EXT1: variants seen among roughly 807,000 people sequenced by gnomAD.
EXT1 encodes the protein exostosin glycosyltransferase 1.
A neutral mutation model predicts 82.5 loss-of-function variants in EXT1; 20 were observed. The observed-to-expected ratio is 0.24, with a 90% CI of 0.17 to 0.35. The LOEUF is 0.35. EXT1 is among the 10% of genes least tolerant of loss of function. EXT1 has a pLI of 1.00. For synonymous variants in EXT1, 348 were observed against 350.8 expected (o/e 0.99, Z 0.09); for missense variants, 757 against 936.5 (o/e 0.81, Z 2.50).
chr8:118,098,285 C>G (rs2130015391), intron 1 of EXT1, among the ~76,000 whole-genome samples: 1 of 152,228 alleles, frequency 6.6e-6, no homozygotes, highest in African/African-American at 2.4e-5. Flanking sequence ...CCAGGACAAC[C>G]ATAGGACAAG....
chr8:118,055,024 T>G (rs532477169), intron 1 of EXT1, among the ~76,000 whole-genome samples: 1 of 152,218 alleles, frequency 6.6e-6, no homozygotes, highest in Non-Finnish European at 1.5e-5. Context: ...AAATTGCACA[T>G]TGGTAAACTG....
At chr8:117,845,819 C>G (rs1812349079) in intron 1 of EXT1, among the ~76,000 whole-genome samples, 1 of 152,124 alleles carries the variant, frequency 6.6e-6, no homozygotes, top group African/African-American at 2.4e-5. Flanking sequence ...GGGCACTGAG[C>G]TGCACAATCT....
intron 1 of EXT1, among the ~76,000 whole-genome samples, chr8:117,904,093 C>T (rs1238533779): frequency 6.6e-6 from 1 of 152,148 alleles, no homozygotes; most frequent in Non-Finnish European, 1.5e-5. Context: ...AAATCAGTTG[C>T]AACAGCTTCA....
intron 1 of EXT1, among the ~76,000 whole-genome samples, chr8:118,073,689 GAA>G (rs879646997): frequency 0.03 from 4,194 of 140,540 alleles, 105 homozygotes; most frequent in Middle Eastern, 0.089. Context: ...GAAGAGAAGA[GAA>G]GAGAAGAGAA....
intron 8 of EXT1, among the ~76,000 whole-genome samples, chr8:117,812,470 T>C (rs1008490687): frequency 1.3e-5 from 2 of 152,102 alleles, no homozygotes; most frequent in African/African-American, 2.4e-5. Context: ...ACTGAGGCAA[T>C]AGGATACGTG....
chr8:118,035,522 G>T (rs1362058917), intron 1 of EXT1, among the ~76,000 whole-genome samples: 1 of 151,712 alleles, frequency 6.6e-6, no homozygotes, highest in Admixed American at 6.6e-5. Context: ...AAAAAAAAAG[G>T]TATTTCAAAA....
At chr8:117,833,904 T>C (rs1242770814) in intron 3 of EXT1, among the ~76,000 whole-genome samples, 1 of 152,240 alleles carries the variant, frequency 6.6e-6, no homozygotes, top group Non-Finnish European at 1.5e-5. Context: ...TAGCATACAC[T>C]ATCTCTGCAT....
chr8:117,985,155 A>G (rs945152825), intron 1 of EXT1, among the ~76,000 whole-genome samples: 1 of 152,184 alleles, frequency 6.6e-6, no homozygotes, highest in African/African-American at 2.4e-5. Context: ...AGGAAGTAAT[A>G]AAAAGAGCCC....
intron 1 of EXT1, among the ~76,000 whole-genome samples, chr8:118,029,628 A>G (rs902424931): frequency 6.6e-6 from 1 of 152,212 alleles, no homozygotes; most frequent in Non-Finnish European, 1.5e-5. Flanking sequence ...TTATAGTGCT[A>G]AAGTTCTGTG....
intron 1 of EXT1, among the ~76,000 whole-genome samples, chr8:117,994,081 A>G (rs372439929): frequency 6.6e-6 from 1 of 152,190 alleles, no homozygotes; most frequent in East Asian, 1.9e-4. Flanking sequence ...CTGCCCAATG[A>G]CACAGCCACT....
Position 118,002,778 on chromosome 8 carries a change from C to A in EXT1, c.962+107307G>T, listed in dbSNP as rs765737665. Among the ~76,000 whole-genome samples, 4 of 151,956 alleles carry A rather than the reference C, an allele frequency of 2.6e-5. No individual in the cohort carries two copies. The East Asian group carries it at 7.8e-4, about 29-fold the overall frequency. ...CGATTTCCTGAACTCGTGATCCACCCGCCTCAGCCTCCCAAAGTGCTGGGA... is the reference window on the plus strand; with the variant it reads ...CGATTTCCTGAACTCGTGATCCACCAGCCTCAGCCTCCCAAAGTGCTGGGA... On this transcript the variant is annotated intron_variant, in intron 1 of 10. Transcript: ENST00000378204.
Position 118,110,129 on chromosome 8 carries a change from C to T in EXT1, c.918G>A (p.Lys306=), listed in dbSNP as rs868526834. Residue 306 remains lysine, a synonymous_variant, in exon 1 of 11, where the codon AAG becomes AAA. Coordinates refer to ENST00000378204, the MANE Select transcript of EXT1 (RefSeq NM_000127.3). ...TTCKHGKDWQ[K]HKDSRCDRDN... ...CTCTGTCACAGCGAGAATCCTTGTG[C>T]TTTTGCCAGTCTTTGCCATGCTTGC... The T allele has an allele frequency of 6.2e-7, 1 of 1,614,202 alleles. No homozygotes were observed. Among genetic ancestry groups the T allele is most frequent in the Middle Eastern group, 1.7e-4 (1 of 6,050 alleles).
intron 1 of EXT1, among the ~76,000 whole-genome samples, chr8:117,882,374 C>G (rs77352537): frequency 1.3e-5 from 2 of 152,108 alleles, no homozygotes; most frequent in African/African-American, 4.8e-5. Flanking sequence ...TGAGCCATCA[C>G]GTCCAGCTCG....
Position 117,962,445 on chromosome 8 carries a change from C to CA in EXT1, c.963-125245dup, listed in dbSNP as rs879585224. On this transcript the variant is annotated intron_variant, in intron 1 of 10. Transcript: ENST00000378204. ...GGGCAACACAGCAAGACCTCATCTC[C>CA]AAAAAAAAAAAAATTAGCCAAGAAT... 1.9e-3 allele frequency among the ~76,000 whole-genome samples: 266 copies of CA among 140,094 alleles called. 1 individual carries two copies. The highest frequency in any genetic ancestry group is 5.4e-3 in the East Asian group (26 of 4,856). 91.9% of individuals were successfully genotyped at this position (140,094 alleles called of 152,430 possible).
At chr8:117,909,140 A>G (rs944815175) in intron 1 of EXT1, among the ~76,000 whole-genome samples, 6 of 152,044 alleles carry the variant, frequency 3.9e-5, no homozygotes, top group Admixed American at 3.3e-4. Context: ...TCAAAAAAAA[A>G]AGAGAAAAGC....
chr8:117,940,951 C>G (rs1401338280), intron 1 of EXT1, among the ~76,000 whole-genome samples: 3 of 152,144 alleles, frequency 2.0e-5, no homozygotes, highest in African/African-American at 7.2e-5. Context: ...ATGGGGGTCT[C>G]CATGGGGCCA....
intron 1 of EXT1, among the ~76,000 whole-genome samples, chr8:117,939,567 C>G (rs866968046): frequency 1.8e-5 from 2 of 111,194 alleles, no homozygotes; most frequent in South Asian, 3.0e-4. Flanking sequence ...GAAACTCCAT[C>G]TCTGAAAAAA....
intron 1 of EXT1, among the ~76,000 whole-genome samples, chr8:118,068,476 C>G (rs1393346629): frequency 2.0e-5 from 3 of 152,154 alleles, no homozygotes; most frequent in African/African-American, 7.2e-5. Flanking sequence ...ATGTTCTCCC[C>G]ACCCCGCTCT....
At chr8:118,045,539 A>G (rs1226974876) in intron 1 of EXT1, among the ~76,000 whole-genome samples, 1 of 152,114 alleles carries the variant, frequency 6.6e-6, no homozygotes, top group Non-Finnish European at 1.5e-5. Flanking sequence ...CATTGCTTGC[A>G]ATGAAGGCTG....
Sources: allele counts gnomAD v4.1 joint callset (sites outside exome capture counted in the v4.1 genomes callset), GRCh38; gene constraint gnomAD v4.1.1; transcripts MANE v1.5; gene names NCBI Gene and HGNC (gene_info 2026-07-23, HGNC 2026-07-21).